The following CAMTA1 variants were observed in gnomAD, a reference collection of about 807,000 sequenced individuals.
The protein encoded by CAMTA1 is calmodulin-binding transcription activator 1.
In CAMTA1, 27 loss-of-function variants were observed where a neutral mutation model predicts 170.9. That is an observed-to-expected ratio of 0.16 (90% CI 0.12 to 0.22). The LOEUF is 0.22. Among genes scored for constraint, CAMTA1 ranks in the 10% least tolerant of loss-of-function variants. The pLI, the probability that CAMTA1 is intolerant of heterozygous loss-of-function variation, is 1.00. For synonymous variants in CAMTA1, 833 were observed against 891.5 expected, an observed-to-expected ratio of 0.93 and a Z score of 1.17; for missense variants, 1,619 against 2,217.2, an observed-to-expected ratio of 0.73 and a Z score of 5.42.
chr1:7,086,691 T>C (rs1431854444), intron 3 of CAMTA1, among the ~76,000 whole-genome samples: 2 of 152,234 alleles, frequency 1.3e-5, no homozygotes, highest in African/African-American at 4.8e-5. Context: ...CCTGGCCTCT[T>C]CCACTCAGCA....
intron 7 of CAMTA1, among the ~76,000 whole-genome samples, chr1:7,649,266 G>A (rs971096412): frequency 2.0e-4 from 31 of 152,330 alleles, no homozygotes; most frequent in African/African-American, 6.0e-4. Context: ...GTGTCCCCAC[G>A]GCAGCCCAGA....
chr1:6,934,642 G>A lies in CAMTA1; in HGVS notation c.234+109432G>A, dbSNP rs750577080. ...GACCTGTGGCCGGCAGGAGCTGCCC[G>A]AGATCCCGGGGCAAATGCCTCCCCT... On this transcript the variant is annotated intron_variant, in intron 3 of 22. Transcript: ENST00000303635. The surrounding 1 kb of genome is among the most constrained non-coding windows in gnomAD (Gnocchi z 4.5). 4.6e-5 allele frequency among the ~76,000 whole-genome samples: 7 copies of A among 152,138 alleles called. No individual in the cohort carries two copies. The highest frequency in any genetic ancestry group is 8.8e-5 in the Non-Finnish European group (6 of 68,010).
intron 5 of CAMTA1, among the ~76,000 whole-genome samples, chr1:7,358,426 A>G (rs2085290377): frequency 6.6e-6 from 1 of 152,128 alleles, no homozygotes; most frequent in South Asian, 2.1e-4. Flanking sequence ...GACTTTTTAC[A>G]CTGTTTGTAT....
intron 3 of CAMTA1, among the ~76,000 whole-genome samples, chr1:7,042,998 C>G (rs1572641948): frequency 6.6e-6 from 1 of 152,340 alleles, no homozygotes; most frequent in East Asian, 1.9e-4. Context: ...AAACCACCCC[C>G]CAAGTTTCTT....
chr1:7,573,090 A>G (rs1004071920), intron 6 of CAMTA1, among the ~76,000 whole-genome samples: 2 of 152,206 alleles, frequency 1.3e-5, no homozygotes, highest in Non-Finnish European at 2.9e-5. Flanking sequence ...CCTGGACAAG[A>G]CTCAAGTTCT....
intron 4 of CAMTA1, among the ~76,000 whole-genome samples, chr1:7,230,672 C>T (rs892752838): frequency 2.0e-5 from 3 of 152,082 alleles, no homozygotes; most frequent in Admixed American, 1.3e-4. Flanking sequence ...CTCTTCAGCT[C>T]GGGAGCCCAT....
intron 3 of CAMTA1, among the ~76,000 whole-genome samples, chr1:6,854,031 A>G (rs548974339): frequency 3.9e-4 from 60 of 152,362 alleles, no homozygotes; most frequent in Non-Finnish European, 7.6e-4. Context: ...GAAGATTTCC[A>G]TAACATAATG....
At chr1:7,393,637 T>C (rs1329568734) in intron 5 of CAMTA1, among the ~76,000 whole-genome samples, 1 of 152,210 alleles carries the variant, frequency 6.6e-6, no homozygotes, top group African/African-American at 2.4e-5. Flanking sequence ...CATGTATACA[T>C]TGTGTAATGA....
chr1:7,134,866 A>G (rs1055336623), intron 4 of CAMTA1, among the ~76,000 whole-genome samples: 1 of 152,188 alleles, frequency 6.6e-6, no homozygotes, highest in African/African-American at 2.4e-5. Flanking sequence ...TGCATCCAAC[A>G]GAGGTCTAAT....
chr1:7,658,371 C>T (rs528074747), intron 7 of CAMTA1, among the ~76,000 whole-genome samples: 129 of 152,292 alleles, frequency 8.5e-4, no homozygotes, highest in African/African-American at 2.9e-3. Context: ...TGCGTGTTCT[C>T]CCATCCTAAC....
At chr1:7,404,785 C>T (rs1482568884) in intron 5 of CAMTA1, among the ~76,000 whole-genome samples, 1 of 152,148 alleles carries the variant, frequency 6.6e-6, no homozygotes, top group Non-Finnish European at 1.5e-5. Flanking sequence ...AGACAATGTA[C>T]AACACATTTT....
intron 6 of CAMTA1, among the ~76,000 whole-genome samples, chr1:7,493,714 C>T (rs536609553): frequency 2.0e-3 from 308 of 152,218 alleles, no homozygotes; most frequent in African/African-American, 7.2e-3. Context: ...ACTCAGGGCA[C>T]CTTCTCGAGG....
chr1:7,303,122 C>T lies in CAMTA1; in HGVS notation c.438+53496C>T, dbSNP rs575975374. Among the ~76,000 whole-genome samples, 27 of 152,232 alleles carry T rather than the reference C, an allele frequency of 1.8e-4. No homozygotes were observed. In the South Asian group the frequency reaches 2.5e-3, roughly 14 times the overall value. On this transcript the variant is annotated intron_variant, in intron 5 of 22. Transcript: ENST00000303635. ...TGTAAAGCATTTATTTAGAGTGGTG[C>T]CTGGCATACATTAAGCACTCACTAA...
chr1:7,617,351 G>A (rs74558974), intron 6 of CAMTA1, among the ~76,000 whole-genome samples: 2,861 of 152,298 alleles, frequency 0.019, 85 homozygotes, highest in African/African-American at 0.065. Flanking sequence ...AGCTGAGACC[G>A]GAGGAGGACT....
chr1:7,091,257 C>T (rs767630728), intron 3 of CAMTA1, 47 bp from the exon 4 acceptor site: 1 of 1,382,112 alleles, frequency 7.2e-7, no homozygotes. Flanking sequence ...TCTCAGGATC[C>T]AATGTGAGCT....
At chr1:7,415,649 G>A (rs1366636510) in intron 5 of CAMTA1, among the ~76,000 whole-genome samples, 2 of 151,984 alleles carry the variant, frequency 1.3e-5, no homozygotes, top group Non-Finnish European at 2.9e-5. Context: ...GAGCCTATGT[G>A]TGTTTCTGCA....
At chr1:7,187,694 T>G (rs998708090) in intron 4 of CAMTA1, among the ~76,000 whole-genome samples, 14 of 152,226 alleles carry the variant, frequency 9.2e-5, no homozygotes, top group South Asian at 2.1e-4. Context: ...AAGCCCATAC[T>G]TCCTGGCACC....
At chr1:7,498,919 ATATGAGTG>A (rs1315186509) in intron 6 of CAMTA1, among the ~76,000 whole-genome samples, 1 of 84,676 alleles carries the variant, frequency 1.2e-5, no homozygotes, top group African/African-American at 7.8e-5. Flanking sequence ...GTGCGTATGT[ATATGAGTG>A]TGTGTGTGCA....
chr1:7,573,420 T>A (rs2150347408), intron 6 of CAMTA1, among the ~76,000 whole-genome samples: 1 of 152,350 alleles, frequency 6.6e-6, no homozygotes, highest in East Asian at 1.9e-4. Flanking sequence ...GCCATCCAGA[T>A]AATGGTGTTT....
Sources: allele counts gnomAD v4.1 joint callset (sites outside exome capture counted in the v4.1 genomes callset), GRCh38; gene constraint gnomAD v4.1.1; non-coding constraint Gnocchi (gnomAD v3.1); transcripts MANE v1.5; gene names NCBI Gene and HGNC (gene_info 2026-07-23, HGNC 2026-07-21).